The following PKIA variants were observed in gnomAD, a reference collection of about 807,000 sequenced individuals.
PKIA encodes cAMP-dependent protein kinase inhibitor alpha.
Under a neutral mutation model 7.6 loss-of-function variants are expected in PKIA, and 4 were observed. The ratio of observed to expected loss-of-function variants is 0.52; its 90% confidence interval spans 0.26 to 1.20. The LOEUF is 1.20. PKIA is among the 50% of genes most tolerant of loss of function. The pLI is 0.13. For synonymous variants in PKIA, 21 were observed against 30.7 expected (o/e 0.68, Z 1.04); for missense variants, 73 against 86.2 (o/e 0.85, Z 0.61).
chr8:78,520,900 G>C (rs895863023), intron 1 of PKIA, among the ~76,000 whole-genome samples: 2 of 152,080 alleles, frequency 1.3e-5, no homozygotes, highest in African/African-American at 2.4e-5. Flanking sequence ...TCCAGTACTT[G>C]AGATGAGGTT....
intron 1 of PKIA, among the ~76,000 whole-genome samples, chr8:78,522,182 C>T (rs1213254459): frequency 6.6e-6 from 1 of 151,860 alleles, no homozygotes; most frequent in Non-Finnish European, 1.5e-5. Context: ...GCATATAACA[C>T]CACCATATTA....
intron 2 of PKIA, among the ~76,000 whole-genome samples, chr8:78,586,450 CT>C (rs1807952098): frequency 1.3e-5 from 2 of 151,958 alleles, no homozygotes; most frequent in South Asian, 4.2e-4. Flanking sequence ...ACAGAGTGTG[CT>C]TTTACTATCA....
intron 2 of PKIA, among the ~76,000 whole-genome samples, chr8:78,574,444 G>A (rs1007684588): frequency 6.6e-6 from 1 of 151,942 alleles, no homozygotes; most frequent in Non-Finnish European, 1.5e-5. Flanking sequence ...GGGTAGTACA[G>A]CTGCAGCAGC....
chr8:78,584,553 A>G (rs1381162772), intron 2 of PKIA, among the ~76,000 whole-genome samples: 2 of 152,140 alleles, frequency 1.3e-5, no homozygotes, highest in African/African-American at 4.8e-5. Context: ...CAGATCTTCT[A>G]ATTATAACTC....
chr8:78,585,964 AG>A (rs1807941483), intron 2 of PKIA, among the ~76,000 whole-genome samples: 1 of 152,160 alleles, frequency 6.6e-6, no homozygotes, highest in Non-Finnish European at 1.5e-5. Flanking sequence ...CATTTATCCA[AG>A]TTAGAAATCT....
intron 1 of PKIA, among the ~76,000 whole-genome samples, chr8:78,555,616 G>A (rs188807925): frequency 9.9e-4 from 150 of 152,076 alleles, no homozygotes; most frequent in Middle Eastern, 3.4e-3. Flanking sequence ...CATTAAAATT[G>A]ATCCCTGTTT....
chr8:78,522,624 C>T (rs1809437966), intron 1 of PKIA, among the ~76,000 whole-genome samples: 1 of 151,804 alleles, frequency 6.6e-6, no homozygotes, highest in Admixed American at 6.6e-5. Context: ...AAATGCTATA[C>T]ACAAGTATTG....
chr8:78,524,404 C>G (rs548070982), intron 1 of PKIA, among the ~76,000 whole-genome samples: 1 of 151,326 alleles, frequency 6.6e-6, no homozygotes, highest in Non-Finnish European at 1.5e-5. Context: ...TAGTCTCTCA[C>G]GTGGCTCTCA....
chr8:78,596,184 C>T (rs983070109), intron 2 of PKIA, among the ~76,000 whole-genome samples: 2 of 151,920 alleles, frequency 1.3e-5, no homozygotes, highest in African/African-American at 4.8e-5. Flanking sequence ...AGTGTCTGTT[C>T]ATATCCATTG....
Position 78,602,720 on chromosome 8 carries a change from T to C in PKIA, c.*899T>C, listed in dbSNP as rs1484410202. 1 of 149,394 alleles carries C rather than the reference T, an allele frequency of 6.7e-6. No homozygotes were observed. Among genetic ancestry groups the C allele is most frequent in the Non-Finnish European group, 1.5e-5 (1 of 67,356 alleles). 9.3% of individuals were successfully genotyped at this position (149,394 alleles called of 1,614,324 possible). ...ATATATATATATATATATATTTTAA[T>C]TTATGAGAATTTTGGACAATTGGAA... On this transcript the variant is annotated 3_prime_UTR_variant, in exon 4 of 4. Coordinates refer to ENST00000396418, the MANE Select transcript of PKIA (RefSeq NM_006823.4).
chr8:78,595,101 A>G (rs1808197955), intron 2 of PKIA, among the ~76,000 whole-genome samples: 2 of 152,324 alleles, frequency 1.3e-5, no homozygotes, highest in African/African-American at 2.4e-5. Context: ...TTCTGGTAAC[A>G]CTTAGCCACC....
At chr8:78,573,397 T>C (rs1807600607) in intron 2 of PKIA, among the ~76,000 whole-genome samples, 1 of 152,014 alleles carries the variant, frequency 6.6e-6, no homozygotes, top group Non-Finnish European at 1.5e-5. Context: ...ACTTCTCATC[T>C]TGGTCTTGGG....
At chr8:78,587,377 G>A (rs78826443) in intron 2 of PKIA, among the ~76,000 whole-genome samples, 90 of 152,270 alleles carry the variant, frequency 5.9e-4, no homozygotes, top group East Asian at 5.4e-3. Context: ...CCTCTCTGAC[G>A]TCAGTACTGC....
intron 1 of PKIA, among the ~76,000 whole-genome samples, chr8:78,523,348 G>T (rs1258423350): frequency 6.6e-6 from 1 of 151,848 alleles, no homozygotes; most frequent in African/African-American, 2.4e-5. Flanking sequence ...ATGGTTGTTT[G>T]ATTAAACCCT....
At chr8:78,529,745 T>C (rs1049045184) in intron 1 of PKIA, among the ~76,000 whole-genome samples, 1 of 151,756 alleles carries the variant, frequency 6.6e-6, no homozygotes, top group Non-Finnish European at 1.5e-5. Context: ...TAACATATAA[T>C]TTTTTTTGTA....
chr8:78,552,327 C>CT (rs1440800064), intron 1 of PKIA, among the ~76,000 whole-genome samples: 2 of 129,914 alleles, frequency 1.5e-5, no homozygotes, highest in Non-Finnish European at 3.3e-5. Flanking sequence ...TTACCATTTT[C>CT]TTAAAAAAAA....
At chr8:78,584,265 A>C (rs555715113) in intron 2 of PKIA, among the ~76,000 whole-genome samples, 1 of 152,200 alleles carries the variant, frequency 6.6e-6, no homozygotes, top group South Asian at 2.1e-4. Flanking sequence ...GACAATAATT[A>C]GATTTGATAG....
chr8:78,600,399 C>A (rs1808325279), intron 3 of PKIA, among the ~76,000 whole-genome samples: 1 of 152,078 alleles, frequency 6.6e-6, no homozygotes, highest in African/African-American at 2.4e-5. Flanking sequence ...TAGCAACAGT[C>A]TCTATGTTTT....
At chr8:78,552,436 T>C (rs1219179634) in intron 1 of PKIA, among the ~76,000 whole-genome samples, 1 of 151,790 alleles carries the variant, frequency 6.6e-6, no homozygotes, top group Non-Finnish European at 1.5e-5. Context: ...CATCATTCTA[T>C]CATTTATGCT....
Sources: allele counts gnomAD v4.1 joint callset (sites outside exome capture counted in the v4.1 genomes callset), GRCh38; gene constraint gnomAD v4.1.1; transcripts MANE v1.5; gene names NCBI Gene and HGNC (gene_info 2026-07-23, HGNC 2026-07-21).